CSMD3: variants seen among roughly 807,000 people sequenced by gnomAD.
CSMD3 encodes CUB and Sushi multiple domains 3, also known as CUB and sushi domain-containing protein 3.
CSMD3 carries 177 observed loss-of-function variants against 435.2 expected under a neutral mutation model. The ratio of observed to expected loss-of-function variants is 0.41; its 90% CI spans 0.36 to 0.46. CSMD3 has a LOEUF of 0.46. Among genes scored for constraint, CSMD3 ranks in the 20% least tolerant of loss-of-function variants. The pLI is 0.34. For synonymous variants in CSMD3, 1,656 were observed against 1,520.5 expected, an observed-to-expected ratio of 1.09 and a Z score of -2.07; for missense variants, 4,265 against 4,504.6, an observed-to-expected ratio of 0.95 and a Z score of 1.52.
chr8:112,246,866 G>T (rs1424356039), intron 64 of CSMD3, among the ~76,000 whole-genome samples, 154 bp downstream of exon 64: 1 of 152,084 alleles, frequency 6.6e-6, no homozygotes, highest in Non-Finnish European at 1.5e-5. Context: ...ATGGGTTTAT[G>T]ATACAGTAAT....
intron 3 of CSMD3, among the ~76,000 whole-genome samples, chr8:113,198,075 T>A (rs1056021616): frequency 6.6e-6 from 1 of 151,404 alleles, no homozygotes; most frequent in Admixed American, 6.6e-5. Context: ...CTGTAATACA[T>A]CTAAAAAGAT....
chr8:112,569,533 A>G (rs1829330462), intron 24 of CSMD3, among the ~76,000 whole-genome samples: 1 of 152,194 alleles, frequency 6.6e-6, no homozygotes, highest in Admixed American at 6.5e-5. Flanking sequence ...GGTCTGTTCT[A>G]ACATACTTTT....
intron 9 of CSMD3, among the ~76,000 whole-genome samples, chr8:112,928,034 T>A (rs537267002): frequency 6.6e-6 from 1 of 152,272 alleles, no homozygotes; most frequent in Non-Finnish European, 1.5e-5. Flanking sequence ...GCTACCTGTC[T>A]TTGCCCCTCC....
At chr8:113,014,095 G>T (rs532942161) in intron 6 of CSMD3, among the ~76,000 whole-genome samples, 1 of 152,146 alleles carries the variant, frequency 6.6e-6, no homozygotes, top group Non-Finnish European at 1.5e-5. Context: ...CCATTTTGTT[G>T]GTGCAGTCCC....
At chr8:112,999,484 G>T (rs2085782022) in intron 6 of CSMD3, among the ~76,000 whole-genome samples, 1 of 151,824 alleles carries the variant, frequency 6.6e-6, no homozygotes, top group Non-Finnish European at 1.5e-5. Flanking sequence ...AGTAAACCAT[G>T]TAAGTAAATG....
At chr8:113,098,296 T>G (rs2090224199) in intron 5 of CSMD3, among the ~76,000 whole-genome samples, 1 of 152,076 alleles carries the variant, frequency 6.6e-6, no homozygotes. Context: ...AAAAATATTA[T>G]GTCTTAAAAG....
At chr8:113,031,880 G>C (rs1392288042) in intron 5 of CSMD3, among the ~76,000 whole-genome samples, 2 of 151,424 alleles carry the variant, frequency 1.3e-5, no homozygotes, top group Admixed American at 6.6e-5. Context: ...TGGATTATGG[G>C]GGCAGTTTCT....
In CSMD3 at chr8:113,045,347, T is replaced by A. The variant is rs60747060; in HGVS notation, c.918-26168A>T. On this transcript the variant is annotated intron_variant, in intron 5 of 70. Coordinates refer to ENST00000297405, the MANE Select transcript of CSMD3 (RefSeq NM_198123.2). ...AATTGTACCATTTTAAAGAATTTTATTCGTTTCAACCAAAACGTCTCACGT... is the reference window on the plus strand; with the variant it reads ...AATTGTACCATTTTAAAGAATTTTAATCGTTTCAACCAAAACGTCTCACGT... Among the ~76,000 whole-genome samples the A allele has an allele frequency of 3.0e-3, 448 of 149,394 alleles. 7 individuals carry two copies. The highest frequency in any genetic ancestry group is 1.0e-2 in the African/African-American group (413 of 41,360).
At chr8:112,655,486 GA>G (rs58959000) in intron 18 of CSMD3, among the ~76,000 whole-genome samples, 1 of 151,560 alleles carries the variant, frequency 6.6e-6, no homozygotes, top group Non-Finnish European at 1.5e-5. Context: ...TTTATAAATG[GA>G]AAAAAAGCCC....
intron 32 of CSMD3, among the ~76,000 whole-genome samples, chr8:112,415,750 G>A (rs899549193): frequency 5.3e-5 from 8 of 152,182 alleles, no homozygotes; most frequent in African/African-American, 1.4e-4. Flanking sequence ...TTGCATCAGC[G>A]TGACCTGGAT....
intron 11 of CSMD3, among the ~76,000 whole-genome samples, chr8:112,830,781 T>C (rs904682100): frequency 6.7e-5 from 10 of 150,020 alleles, no homozygotes; most frequent in Admixed American, 1.3e-4. Flanking sequence ...TTTGTTATAA[T>C]AACAATTTTT....
intron 28 of CSMD3, among the ~76,000 whole-genome samples, chr8:112,513,617 AGT>A (rs2130967195): frequency 6.6e-6 from 1 of 152,358 alleles, no homozygotes; most frequent in African/African-American, 2.4e-5. Flanking sequence ...AGGGACATGA[AGT>A]GAGCAGATGC....
chr8:113,051,442 TAC>T (rs1419758904), intron 5 of CSMD3, among the ~76,000 whole-genome samples: 1 of 152,148 alleles, frequency 6.6e-6, no homozygotes, highest in Non-Finnish European at 1.5e-5. Flanking sequence ...ATAGAAAAAC[TAC>T]AGATTTTTAT....
At position 112,281,349 on chromosome 8, in the gene CSMD3, A is replaced by T. The variant is rs368347857; in HGVS notation, c.9333T>A (p.Ala3111=). 1 of 1,612,016 alleles carries T rather than the reference A, an allele frequency of 6.2e-7. No homozygotes were observed. The highest frequency in any genetic ancestry group is 8.5e-7 in the Non-Finnish European group (1 of 1,178,310). Residue 3111 remains alanine (A), a splice_region_variant and synonymous_variant, in exon 59 of 71, where the codon GCT becomes GCA. Coordinates refer to ENST00000297405, the MANE Select transcript of CSMD3 (RefSeq NM_198123.2). ...SWTGRQPECK[A]VQCGNPGTTA... Reference sequence around the variant, plus strand: ...TGGTTCCTGGGTTACCACACTGCACAGCTATAAAACAAAGTGTTTAAGAGT... The same window carrying T: ...TGGTTCCTGGGTTACCACACTGCACTGCTATAAAACAAAGTGTTTAAGAGT...
chr8:112,237,115 AT>A, intron 67 of CSMD3, 74 bp downstream of exon 67: 3 of 1,450,226 alleles, frequency 2.1e-6, no homozygotes, highest in Non-Finnish European at 2.9e-6. Flanking sequence ...TATAAAAAGC[AT>A]TACTAAAAAT....
chr8:112,984,178 T>G (rs980499480), intron 6 of CSMD3, among the ~76,000 whole-genome samples: 1 of 151,870 alleles, frequency 6.6e-6, no homozygotes, highest in African/African-American at 2.4e-5. Flanking sequence ...GTATTACATA[T>G]AATTATATAT....
Position 112,224,634 on chromosome 8 carries a change from T to C in CSMD3, c.*137A>G. ...TATGGTCCAGTTTATGAAAAAACAC[T>C]CTTCTGTATCATTCCTCAGGAAAAG... is the stretch of plus-strand genomic sequence containing the variant. On this transcript the variant is annotated 3_prime_UTR_variant, in exon 71 of 71. Transcript: ENST00000297405. The C allele has an allele frequency of 1.2e-6, 1 of 840,416 alleles. No individual in the cohort carries two copies. Among genetic ancestry groups the C allele is most frequent in the East Asian group, 2.5e-5 (1 of 40,564 alleles). 52.1% of individuals were successfully genotyped at this position (840,416 alleles called of 1,614,324 possible).
intron 42 of CSMD3, among the ~76,000 whole-genome samples, chr8:112,341,182 C>T (rs757157009): frequency 9.2e-5 from 14 of 151,998 alleles, no homozygotes; most frequent in Non-Finnish European, 2.1e-4. Context: ...TGCTGTGCAG[C>T]TGGCCTTGCT....
chr8:113,315,591 G>C (rs1320296075), intron 1 of CSMD3, among the ~76,000 whole-genome samples: 1 of 137,682 alleles, frequency 7.3e-6, no homozygotes, highest in Non-Finnish European at 1.6e-5. Flanking sequence ...ATATATATCA[G>C]GTATATATAT....
Sources: gnomAD v4.1 joint callset for allele counts (sites outside exome capture counted in the v4.1 genomes callset) on GRCh38, gnomAD v4.1.1 for gene constraint, MANE v1.5 for transcripts, NCBI Gene and HGNC (gene_info 2026-07-23, HGNC 2026-07-21) for gene names.